The following NCOA1 variants were observed in gnomAD, a reference collection of about 807,000 sequenced individuals.
NCOA1 encodes Hin-2 protein.
A neutral mutation model predicts 150.9 loss-of-function variants in NCOA1; 35 were observed. That is an observed-to-expected ratio of 0.23 (90% confidence interval 0.18 to 0.31). NCOA1 has a LOEUF of 0.31. Among genes scored for constraint, NCOA1 ranks in the 10% least tolerant of loss-of-function variants. The pLI is 1.00. For synonymous variants in NCOA1, 590 were observed against 630.0 expected (o/e 0.94, Z 0.95); for missense variants, 1,491 against 1,749.3 (o/e 0.85, Z 2.63).
chr2:24,637,087 T>TTAG (rs554302963), intron 3 of NCOA1, among the ~76,000 whole-genome samples: 133 of 151,594 alleles, frequency 8.8e-4, no homozygotes, highest in African/African-American at 3.1e-3. Flanking sequence ...CTTTTTTTTA[T>TTAG]TATTATTATT....
intron 7 of NCOA1, among the ~76,000 whole-genome samples, chr2:24,676,156 A>C (rs1212274763): frequency 6.6e-6 from 1 of 152,180 alleles, no homozygotes. Context: ...CAGTGCTATG[A>C]TAACATCCAG....
chr2:24,579,850 T>A (rs986028634), intron 2 of NCOA1, among the ~76,000 whole-genome samples: 2 of 152,208 alleles, frequency 1.3e-5, no homozygotes, highest in Non-Finnish European at 1.5e-5. Context: ...GTTAGCTTGA[T>A]CTCTGATTTT....
chr2:24,721,025 A>G (rs1674335252), intron 14 of NCOA1, among the ~76,000 whole-genome samples: 1 of 152,168 alleles, frequency 6.6e-6, no homozygotes, highest in Non-Finnish European at 1.5e-5. Context: ...TCTATCCCCC[A>G]TGACACTTAT....
intron 2 of NCOA1, among the ~76,000 whole-genome samples, chr2:24,583,297 G>C (rs56393569): frequency 2.3e-4 from 35 of 151,848 alleles, no homozygotes; most frequent in African/African-American, 8.2e-4. Flanking sequence ...ACAAATATAT[G>C]GAAAAAATAT....
chr2:24,732,822 G>A (rs1298261123), intron 17 of NCOA1, among the ~76,000 whole-genome samples: 1 of 151,320 alleles, frequency 6.6e-6, no homozygotes, highest in African/African-American at 2.4e-5. Context: ...ATAACTAGCA[G>A]AAGAAAAGGG....
chr2:24,615,601 A>G (rs1321854011), intron 3 of NCOA1, among the ~76,000 whole-genome samples: 4 of 152,160 alleles, frequency 2.6e-5, no homozygotes, highest in African/African-American at 4.8e-5. Context: ...CTGACTGTCA[A>G]TGTTGAGAAT....
intron 1 of NCOA1, among the ~76,000 whole-genome samples, chr2:24,515,295 C>T (rs780605917): frequency 3.3e-5 from 5 of 152,018 alleles, no homozygotes; most frequent in South Asian, 2.1e-4. Context: ...TGCAGTGGCG[C>T]GATCATGGCT....
intron 1 of NCOA1, among the ~76,000 whole-genome samples, chr2:24,499,685 T>C (rs997937660): frequency 2.0e-5 from 3 of 152,250 alleles, no homozygotes; most frequent in African/African-American, 4.8e-5. Flanking sequence ...TCATACAAGT[T>C]GGAAGCCCCT....
chr2:24,526,509 C>CT (rs958700341), intron 1 of NCOA1, among the ~76,000 whole-genome samples: 27 of 146,854 alleles, frequency 1.8e-4, no homozygotes, highest in Admixed American at 5.4e-4. Flanking sequence ...TTGTCTCGAC[C>CT]TTTTTTAAAA....
At chr2:24,688,870 A>G (rs1422859488) in intron 8 of NCOA1, among the ~76,000 whole-genome samples, 1 of 152,100 alleles carries the variant, frequency 6.6e-6, no homozygotes, top group Non-Finnish European at 1.5e-5. Context: ...AAAGTTTTTT[A>G]TAGTTTTGGG....
At chr2:24,713,671 G>A (rs1219242229) in intron 14 of NCOA1, among the ~76,000 whole-genome samples, 1 of 152,224 alleles carries the variant, frequency 6.6e-6, no homozygotes, top group African/African-American at 2.4e-5. Flanking sequence ...AATAGGCAGT[G>A]TGAGACTGTG....
At chr2:24,622,338 G>A (rs533738008) in intron 3 of NCOA1, among the ~76,000 whole-genome samples, 9 of 152,256 alleles carry the variant, frequency 5.9e-5, no homozygotes, top group African/African-American at 1.9e-4. Flanking sequence ...ATGTTCAGCA[G>A]CATCTGATAT....
At chr2:24,526,324 C>G (rs1163487413) in intron 1 of NCOA1, among the ~76,000 whole-genome samples, 2 of 151,638 alleles carry the variant, frequency 1.3e-5, no homozygotes, top group Non-Finnish European at 2.9e-5. Context: ...ATCATGTAAA[C>G]CTATAGGTTA....
chr2:24,758,163 G>A lies in NCOA1; in HGVS notation c.4065+7G>A. ...CACTGTGTGCCCTGAGCAGGTAAGT[G>A]GCACACTCGCCACACACATGCCACA... On this transcript the variant is annotated splice_region_variant and intron_variant, in intron 21 of 22. Coordinates refer to ENST00000348332, the MANE Select transcript of NCOA1 (RefSeq NM_003743.5). 1 of 1,603,586 alleles carries A rather than the reference G, an allele frequency of 6.2e-7. No individual in the cohort carries two copies. The highest frequency in any genetic ancestry group is 1.3e-5 in the African/African-American group (1 of 74,846).
chr2:24,700,941 T>G (rs968869988), intron 11 of NCOA1, among the ~76,000 whole-genome samples: 2 of 152,232 alleles, frequency 1.3e-5, no homozygotes, highest in Non-Finnish European at 2.9e-5. Flanking sequence ...GTAATCCCAC[T>G]TTAGGTGATT....
chr2:24,530,312 G>A (rs1030092748), intron 1 of NCOA1, among the ~76,000 whole-genome samples: 2 of 152,208 alleles, frequency 1.3e-5, no homozygotes, highest in Admixed American at 1.3e-4. Flanking sequence ...ATGTTTTAGT[G>A]AGAATCTTTC....
chr2:24,714,201 A>C (rs1673905232), intron 14 of NCOA1, among the ~76,000 whole-genome samples: 1 of 152,238 alleles, frequency 6.6e-6, no homozygotes, highest in Non-Finnish European at 1.5e-5. Flanking sequence ...AAAAGGATCA[A>C]GCTTATGTAC....
In NCOA1 at chr2:24,770,061, A is replaced by G. The variant is rs1200306661; in HGVS notation, c.*1670A>G. Reference sequence around the variant, plus strand: ...TCCATTGAACAGCATCTATTCAGAAACTATGCCGAATAAAAAGATTGGTGG... The same window carrying G: ...TCCATTGAACAGCATCTATTCAGAAGCTATGCCGAATAAAAAGATTGGTGG... On this transcript the variant is annotated 3_prime_UTR_variant, in exon 23 of 23. Transcript: ENST00000348332. The G allele has an allele frequency of 4.4e-6, 1 of 229,400 alleles. No individual in the cohort carries two copies. The highest frequency in any genetic ancestry group is 8.7e-6 in the Non-Finnish European group (1 of 115,448). 14.2% of individuals were successfully genotyped at this position (229,400 alleles called of 1,614,324 possible).
chr2:24,694,517 A>G (rs1672811160), intron 10 of NCOA1, among the ~76,000 whole-genome samples: 1 of 152,214 alleles, frequency 6.6e-6, no homozygotes, highest in South Asian at 2.1e-4. Flanking sequence ...ATAATCTAAT[A>G]TTCTAATGTT....
Sources: gnomAD v4.1 joint callset for allele counts (sites outside exome capture counted in the v4.1 genomes callset) on GRCh38, gnomAD v4.1.1 for gene constraint, MANE v1.5 for transcripts, NCBI Gene and HGNC (gene_info 2026-07-23, HGNC 2026-07-21) for gene names.